CCDC3: variants seen among roughly 807,000 people sequenced by gnomAD.
The protein encoded by CCDC3 is coiled-coil domain containing 3.
CCDC3 carries 24 observed loss-of-function variants against 21.4 expected under a neutral mutation model. The ratio of observed to expected loss-of-function variants is 1.12; its 90% CI spans 0.81 to 1.58. The LOEUF (loss-of-function observed/expected upper bound fraction) is 1.58. Among genes scored for constraint, CCDC3 ranks in the 40% most tolerant of loss-of-function variants. CCDC3 has a pLI of 0.00. For missense variants in CCDC3, 425 were observed against 360.9 expected (o/e 1.18, Z -1.44); for synonymous variants, 186 against 166.0 (o/e 1.12, Z -0.93).
At chr10:12,996,850 G>A (rs1835768976) in intron 2 of CCDC3, among the ~76,000 whole-genome samples, 1 of 152,060 alleles carries the variant, frequency 6.6e-6, no homozygotes, top group Admixed American at 6.5e-5. Flanking sequence ...AACACTGCAT[G>A]TTCTCACTTA....
chr10:13,058,410 C>A, intron 4 of CCDC3: 2 of 822,452 alleles, frequency 2.4e-6, no homozygotes, highest in Non-Finnish European at 4.2e-6. Flanking sequence ...GTCAGGCCAA[C>A]CTTCACACCG....
rs1180989509 is a variant in CCDC3, at chr10:13,001,690, T to C, written c.-120A>G. On this transcript the variant is annotated 5_prime_UTR_variant, in exon 1 of 3. Transcript: ENST00000378825. ...CGCTCCCGGGAGCTGAGCGCACCGC[T>C]GTCTCCGCCACGGGGCTCGGCATGC... The C allele has an allele frequency of 1.6e-6, 1 of 624,118 alleles. No homozygotes were observed. The highest frequency in any genetic ancestry group is 2.0e-6 in the Non-Finnish European group (1 of 492,048). The allele number at this position is 624,118 out of a possible 1,614,324, so 38.7% of individuals were successfully genotyped here.
At chr10:13,060,802 A>G (rs1836747991) in intron 4 of CCDC3, among the ~76,000 whole-genome samples, 1 of 152,148 alleles carries the variant, frequency 6.6e-6, no homozygotes, top group African/African-American at 2.4e-5. Context: ...CACCACACCT[A>G]GGGTTCAAAT....
chr10:12,950,544 T>G (rs755404372), intron 2 of CCDC3, among the ~76,000 whole-genome samples: 1 of 152,154 alleles, frequency 6.6e-6, no homozygotes, highest in Non-Finnish European at 1.5e-5. Flanking sequence ...GGCAAATTGT[T>G]CTCTACTGAA....
At chr10:12,922,939 T>A (rs897495744) in intron 2 of CCDC3, among the ~76,000 whole-genome samples, 1 of 152,192 alleles carries the variant, frequency 6.6e-6, no homozygotes, top group Non-Finnish European at 1.5e-5. Flanking sequence ...ATTGGCCAAA[T>A]GTTCAGTATA....
intron 5 of CCDC3, among the ~76,000 whole-genome samples, chr10:13,033,433 G>A (rs377764179): frequency 1.6e-4 from 24 of 152,086 alleles, no homozygotes; most frequent in South Asian, 8.3e-4. Context: ...AGGCATGGGC[G>A]AGGACTTCAT....
chr10:12,928,798 C>CT (rs2131224824), intron 2 of CCDC3, among the ~76,000 whole-genome samples: 1 of 152,282 alleles, frequency 6.6e-6, no homozygotes, highest in South Asian at 2.1e-4. Flanking sequence ...AAGCATCGTT[C>CT]TCCTGTTCCA....
intron 4 of CCDC3, chr10:13,057,817 G>A (rs902455443): frequency 1.0e-5 from 3 of 295,742 alleles, no homozygotes; most frequent in Non-Finnish European, 1.3e-5. Flanking sequence ...GGAGGCGGAG[G>A]TTGCAGTGAG....
At chr10:12,923,859 T>A (rs555772819) in intron 2 of CCDC3, among the ~76,000 whole-genome samples, 1 of 152,330 alleles carries the variant, frequency 6.6e-6, no homozygotes, top group South Asian at 2.1e-4. Flanking sequence ...TCTGCTGTCA[T>A]GTGTATCTTT....
At chr10:12,916,839 T>C (rs1834365658) in intron 2 of CCDC3, among the ~76,000 whole-genome samples, 2 of 152,178 alleles carry the variant, frequency 1.3e-5, no homozygotes, top group Admixed American at 6.5e-5. Flanking sequence ...GGGGCCTGTC[T>C]GGTGCTGGGG....
intron 2 of CCDC3, among the ~76,000 whole-genome samples, chr10:12,992,129 C>A (rs1401785680): frequency 1.3e-5 from 2 of 151,478 alleles, no homozygotes; most frequent in African/African-American, 4.8e-5. Context: ...GTGGCTCACA[C>A]CTATAATCCC....
At chr10:13,014,550 C>T (rs937313014) in intron 5 of CCDC3, among the ~76,000 whole-genome samples, 6 of 151,592 alleles carry the variant, frequency 4.0e-5, no homozygotes, top group Middle Eastern at 6.9e-3. Context: ...TCCTTTTGCT[C>T]TAAGTGACTT....
chr10:12,986,646 C>T (rs538081419), intron 2 of CCDC3, among the ~76,000 whole-genome samples: 7 of 151,974 alleles, frequency 4.6e-5, no homozygotes, highest in South Asian at 2.1e-4. Flanking sequence ...TGGTGGCGGA[C>T]GCCTGTAGTC....
chr10:12,968,202 T>TACATACACACACACACAC (rs1554757156), intron 2 of CCDC3, among the ~76,000 whole-genome samples: 1 of 143,488 alleles, frequency 7.0e-6, no homozygotes, highest in Non-Finnish European at 1.5e-5. Flanking sequence ...CACACACACA[T>TACATACACACACACACAC]ACACACACAC....
At chr10:13,047,143 CACCAGAACAATTAT>C (rs1204885150) in intron 5 of CCDC3, among the ~76,000 whole-genome samples, 1 of 152,118 alleles carries the variant, frequency 6.6e-6, no homozygotes, top group Non-Finnish European at 1.5e-5. Context: ...ATTCAGTTCT[CACCAGAACAATTAT>C]AGGAAAGAAC....
chr10:12,979,551 T>A (rs1373613516), intron 2 of CCDC3, among the ~76,000 whole-genome samples: 1 of 151,938 alleles, frequency 6.6e-6, no homozygotes, highest in East Asian at 1.9e-4. Flanking sequence ...TTTTTATATT[T>A]TTAGTAGAGA....
chr10:12,948,346 C>T (rs562071161), intron 2 of CCDC3, among the ~76,000 whole-genome samples: 1 of 151,492 alleles, frequency 6.6e-6, no homozygotes, highest in South Asian at 2.1e-4. Context: ...AGCATGAGAA[C>T]AGACTAATAC....
At chr10:13,051,903 G>C (rs975320088) in intron 4 of CCDC3, among the ~76,000 whole-genome samples, 1 of 152,186 alleles carries the variant, frequency 6.6e-6, no homozygotes, top group African/African-American at 2.4e-5. Flanking sequence ...GGACAATGCA[G>C]AAATGGCCTG....
intron 2 of CCDC3, among the ~76,000 whole-genome samples, chr10:12,907,272 C>A (rs1174302391): frequency 6.6e-6 from 1 of 152,160 alleles, no homozygotes; most frequent in Non-Finnish European, 1.5e-5. Flanking sequence ...AAATGAAAAA[C>A]CGGTGAAGAA....
Sources: allele counts gnomAD v4.1 joint callset (sites outside exome capture counted in the v4.1 genomes callset), GRCh38; gene constraint gnomAD v4.1.1; transcripts MANE v1.5; gene names NCBI Gene and HGNC (gene_info 2026-07-23, HGNC 2026-07-21).